GABBR2: variants seen among roughly 807,000 people sequenced by gnomAD.
GABBR2 encodes the protein G-protein coupled receptor 51.
GABBR2 carries 23 observed loss-of-function variants against 105.6 expected under a neutral mutation model. The observed-to-expected ratio is 0.22, with a 90% CI of 0.16 to 0.31. The LOEUF (loss-of-function observed/expected upper bound fraction) is 0.31, where lower values mean the gene tolerates loss of function less well. GABBR2 is among the 10% of genes least tolerant of loss of function. The pLI is 1.00. For synonymous variants in GABBR2, 478 were observed against 499.7 expected (o/e 0.96, Z 0.58); for missense variants, 734 against 1,245.5 (o/e 0.59, Z 6.18).
chr9:98,401,412 T>C (rs1832393028), intron 8 of GABBR2, among the ~76,000 whole-genome samples: 1 of 152,088 alleles, frequency 6.6e-6, no homozygotes, highest in Non-Finnish European at 1.5e-5. Flanking sequence ...TGAAACCCAA[T>C]ACCTGTAAAA....
intron 1 of GABBR2, among the ~76,000 whole-genome samples, chr9:98,600,772 C>T (rs1348917264): frequency 6.6e-6 from 1 of 152,250 alleles, no homozygotes; most frequent in Non-Finnish European, 1.5e-5. Flanking sequence ...ACGTTCTACT[C>T]ACTGAGTATC....
At chr9:98,537,546 G>A (rs770139546) in intron 3 of GABBR2, among the ~76,000 whole-genome samples, 1 of 152,010 alleles carries the variant, frequency 6.6e-6, no homozygotes, top group Non-Finnish European at 1.5e-5. Context: ...GAACTCCTGG[G>A]CTCAAGCCTC....
chr9:98,339,944 T>C (rs1351280071), intron 13 of GABBR2, among the ~76,000 whole-genome samples: 2 of 152,132 alleles, frequency 1.3e-5, no homozygotes, highest in African/African-American at 4.8e-5. Flanking sequence ...CTTCCCTGGC[T>C]CACTGAACTC....
intron 4 of GABBR2, among the ~76,000 whole-genome samples, chr9:98,483,695 TCTC>T: frequency 6.6e-6 from 1 of 152,138 alleles, no homozygotes; most frequent in South Asian, 2.1e-4. Flanking sequence ...TGCCCTTCCC[TCTC>T]CTCCCACTTA....
intron 13 of GABBR2, 137 bp from the exon 14 acceptor site, chr9:98,311,342 C>G (rs1428048463): frequency 1.6e-6 from 1 of 615,780 alleles, no homozygotes; most frequent in Non-Finnish European, 3.0e-6. Context: ...GACCCCATCT[C>G]TGTGTTCCTA....
chr9:98,627,229 T>G (rs767201798), intron 1 of GABBR2, among the ~76,000 whole-genome samples: 4 of 152,132 alleles, frequency 2.6e-5, no homozygotes, highest in Non-Finnish European at 5.9e-5. Flanking sequence ...TCTCTGTGAA[T>G]AAGCTAGTGA....
At chr9:98,291,483 G>C (rs924494393) in intron 18 of GABBR2, among the ~76,000 whole-genome samples, 13 of 152,144 alleles carry the variant, frequency 8.5e-5, no homozygotes, top group Non-Finnish European at 1.6e-4. Flanking sequence ...TCTCCCGTCT[G>C]CCTCTGCTTT....
chr9:98,504,979 G>A (rs963161020), intron 3 of GABBR2, among the ~76,000 whole-genome samples: 3 of 152,206 alleles, frequency 2.0e-5, no homozygotes, highest in Non-Finnish European at 4.4e-5. Context: ...AAACACAGGA[G>A]AGCTGTCATG....
intron 3 of GABBR2, among the ~76,000 whole-genome samples, chr9:98,505,424 GT>G (rs1827489325): frequency 2.7e-4 from 1 of 3,772 alleles, no homozygotes; most frequent in Non-Finnish European, 7.5e-4. Context: ...CTGTATCCAG[GT>G]GTGTGTGTGT....
At chr9:98,562,330 CA>C (rs1199725666) in intron 2 of GABBR2, among the ~76,000 whole-genome samples, 4 of 152,086 alleles carry the variant, frequency 2.6e-5, no homozygotes, top group African/African-American at 2.4e-5. Flanking sequence ...GCAACAAAGA[CA>C]ATGCATGTTC....
At chr9:98,311,598 T>C (rs988629437) in intron 13 of GABBR2, among the ~76,000 whole-genome samples, 1 of 152,242 alleles carries the variant, frequency 6.6e-6, no homozygotes, top group Admixed American at 6.5e-5. Context: ...CAGGTATCTC[T>C]GGGGTTACCT....
chr9:98,503,509 G>GGCAGGGAGGGGCTCCA (rs1186697161), intron 3 of GABBR2, among the ~76,000 whole-genome samples: 6 of 152,142 alleles, frequency 3.9e-5, no homozygotes, highest in Non-Finnish European at 8.8e-5. Context: ...GAAGAGGAAG[G>GGCAGGGAGGGGCTCCA]GCAGGGAGGG....
intron 13 of GABBR2, among the ~76,000 whole-genome samples, chr9:98,319,133 CAT>C (rs1429467271): frequency 6.6e-6 from 1 of 152,146 alleles, no homozygotes; most frequent in Non-Finnish European, 1.5e-5. Flanking sequence ...TGACTTTGCA[CAT>C]GTCTCCCAGC....
chr9:98,359,349 A>G (rs916380368), intron 13 of GABBR2, among the ~76,000 whole-genome samples: 4 of 152,008 alleles, frequency 2.6e-5, no homozygotes, highest in African/African-American at 9.7e-5. Context: ...AATCACTTGA[A>G]CCCAGGAGAT....
intron 2 of GABBR2, among the ~76,000 whole-genome samples, chr9:98,566,778 T>A (rs554123794): frequency 2.1e-4 from 22 of 105,320 alleles, no homozygotes; most frequent in Non-Finnish European, 1.9e-4. Flanking sequence ...GCATGGGAGG[T>A]CAAGGCTGCA....
intron 2 of GABBR2, among the ~76,000 whole-genome samples, chr9:98,559,280 C>T (rs1260732476): frequency 6.6e-6 from 1 of 152,196 alleles, no homozygotes; most frequent in Non-Finnish European, 1.5e-5. Context: ...CAGGCATGCA[C>T]CACCACTCCT....
intron 1 of GABBR2, among the ~76,000 whole-genome samples, chr9:98,701,221 C>A (rs1830826751): frequency 6.6e-6 from 1 of 152,176 alleles, no homozygotes; most frequent in African/African-American, 2.4e-5. Flanking sequence ...AGTGAGTATG[C>A]TAACATTCTT....
intron 1 of GABBR2, among the ~76,000 whole-genome samples, chr9:98,591,735 C>T (rs1007116804): frequency 1.3e-5 from 2 of 152,256 alleles, no homozygotes; most frequent in African/African-American, 4.8e-5. Context: ...TAGTCTCCTT[C>T]ATGGGAGGTC....
At chr9:98,469,353 C>T (rs941847024) in intron 6 of GABBR2, among the ~76,000 whole-genome samples, 31 of 152,306 alleles carry the variant, frequency 2.0e-4, no homozygotes, top group African/African-American at 6.0e-4. Flanking sequence ...ATCACAAGAA[C>T]AGCAAAGGGG....
Sources: gnomAD v4.1 joint callset for allele counts (sites outside exome capture counted in the v4.1 genomes callset) on GRCh38, gnomAD v4.1.1 for gene constraint, MANE v1.5 for transcripts, NCBI Gene and HGNC (gene_info 2026-07-23, HGNC 2026-07-21) for gene names.